The following SAMD12 variants were observed in gnomAD, a reference collection of about 807,000 sequenced individuals.
SAMD12 encodes sterile alpha motif domain containing 12.
In SAMD12, 9 loss-of-function variants were observed where a neutral mutation model predicts 15.0. That is an observed-to-expected ratio of 0.60 (90% CI 0.36 to 1.05). SAMD12 has a LOEUF of 1.05. Ranked by LOEUF, SAMD12 falls within the 50% of genes least tolerant of loss-of-function variation. The pLI is 0.01. For synonymous variants in SAMD12, 86 were observed against 90.1 expected, an observed-to-expected ratio of 0.96 and a Z score of 0.25; for missense variants, 230 against 234.2, an observed-to-expected ratio of 0.98 and a Z score of 0.12.
intron 3 of SAMD12, among the ~76,000 whole-genome samples, chr8:118,437,173 C>T (rs1459559015): frequency 6.6e-6 from 1 of 152,174 alleles, no homozygotes; most frequent in South Asian, 2.1e-4. Context: ...TAAATGCACA[C>T]TGGCTGAAGT....
chr8:118,362,287 G>A (rs984394444), intron 4 of SAMD12, among the ~76,000 whole-genome samples: 11 of 152,026 alleles, frequency 7.2e-5, no homozygotes, highest in East Asian at 1.9e-4. Flanking sequence ...AACTCTTTCC[G>A]TAACAAAACA....
chr8:118,387,956 T>G (rs532977548), intron 3 of SAMD12, among the ~76,000 whole-genome samples: 1 of 152,140 alleles, frequency 6.6e-6, no homozygotes, highest in Non-Finnish European at 1.5e-5. Flanking sequence ...ATGTGTACCA[T>G]GGACTGAACC....
rs1563861873 is a variant in SAMD12, at chr8:118,440,697, A to ACAC, written c.193-737_193-736insGTG. Reference sequence around the variant, plus strand: ...ACACACACACACACACACACACACAAACACACACACACACACACATATAAA... The same window carrying ACAC: ...ACACACACACACACACACACACACAACACACACACACACACACACACATATAAA... On this transcript the variant is annotated intron_variant, in intron 2 of 3. Coordinates refer to ENST00000314727, the MANE Select transcript of SAMD12 (RefSeq NM_207506.3). Among the ~76,000 whole-genome samples, 400 of 52,396 alleles carry ACAC rather than the reference A, an allele frequency of 7.6e-3. 3 individuals are homozygous for ACAC. The highest frequency in any genetic ancestry group is 0.024 in the African/African-American group (373 of 15,624). The allele number at this position is 52,396 out of a possible 152,430, so 34.4% of individuals were successfully genotyped here.
chr8:118,304,653 G>A (rs780957373), intron 4 of SAMD12, among the ~76,000 whole-genome samples: 2 of 151,906 alleles, frequency 1.3e-5, no homozygotes, highest in Non-Finnish European at 2.9e-5. Context: ...CCAGATACTC[G>A]GGAGGCTGAG....
intron 2 of SAMD12, among the ~76,000 whole-genome samples, chr8:118,480,225 T>G (rs1405348266): frequency 6.6e-6 from 1 of 152,190 alleles, no homozygotes; most frequent in Non-Finnish European, 1.5e-5. Flanking sequence ...AAGATAGCAG[T>G]GGGTGACCAC....
chr8:118,456,435 C>T (rs1038433324), intron 2 of SAMD12, among the ~76,000 whole-genome samples: 2 of 152,196 alleles, frequency 1.3e-5, no homozygotes, highest in African/African-American at 4.8e-5. Flanking sequence ...ACATTCTCTG[C>T]ACTTAGCACC....
At chr8:118,427,839 A>T (rs117086127) in intron 3 of SAMD12, among the ~76,000 whole-genome samples, 1 of 152,242 alleles carries the variant, frequency 6.6e-6, no homozygotes, top group Non-Finnish European at 1.5e-5. Context: ...GATTAACTTC[A>T]TAAGAAACTT....
intron 2 of SAMD12, among the ~76,000 whole-genome samples, chr8:118,579,893 T>A (rs1461985043): frequency 6.6e-6 from 1 of 152,136 alleles, no homozygotes; most frequent in African/African-American, 2.4e-5. Flanking sequence ...CTGCACTGAT[T>A]TCAGACAAAT....
chr8:118,249,176 G>T (rs936299252), intron 4 of SAMD12, among the ~76,000 whole-genome samples: 6 of 152,072 alleles, frequency 3.9e-5, no homozygotes, highest in African/African-American at 1.2e-4. Flanking sequence ...TGAAAGATAT[G>T]AAACTTACAT....
Position 118,428,784 on chromosome 8 carries a change from C to T in SAMD12, c.322+11048G>A, listed in dbSNP as rs529750162. Among the ~76,000 whole-genome samples, 20 of 152,104 alleles carry T rather than the reference C, an allele frequency of 1.3e-4. No homozygotes were observed. In the South Asian group the frequency reaches 3.3e-3, roughly 25 times the overall value. On this transcript the variant is annotated intron_variant, in intron 3 of 3. Coordinates refer to ENST00000314727, the MANE Select transcript of SAMD12 (RefSeq NM_207506.3). Reference sequence around the variant, plus strand: ...ATATTTATGGAATTTCTATTTTGTTCTACTATTATAATCTACAAGTTAGTC... The same window carrying T: ...ATATTTATGGAATTTCTATTTTGTTTTACTATTATAATCTACAAGTTAGTC...
chr8:118,550,806 T>C (rs1446740869), intron 2 of SAMD12, among the ~76,000 whole-genome samples: 3 of 151,478 alleles, frequency 2.0e-5, no homozygotes, highest in Non-Finnish European at 2.9e-5. Context: ...GAGACACACA[T>C]AGGCTTAAAA....
At chr8:118,385,872 A>G (rs1819926766) in intron 3 of SAMD12, among the ~76,000 whole-genome samples, 1 of 152,252 alleles carries the variant, frequency 6.6e-6, no homozygotes, top group South Asian at 2.1e-4. Context: ...GGTTAAAACA[A>G]GAAGAAGAAA....
the SAMD12 span, among the ~76,000 whole-genome samples, chr8:118,168,272 C>G: frequency 5.3e-5 from 8 of 152,110 alleles, no homozygotes; most frequent in Non-Finnish European, 1.2e-4. Context: ...AAGGAGGGAC[C>G]ATTGGAGTGT....
chr8:118,471,042 G>A (rs1476773204), intron 2 of SAMD12, among the ~76,000 whole-genome samples: 1 of 152,176 alleles, frequency 6.6e-6, no homozygotes, highest in Admixed American at 6.5e-5. Context: ...GTATTTAAAT[G>A]AAAGGCTTCA....
chr8:118,541,874 A>G (rs1444245852), intron 2 of SAMD12, among the ~76,000 whole-genome samples: 5 of 152,144 alleles, frequency 3.3e-5, no homozygotes, highest in Non-Finnish European at 7.3e-5. Flanking sequence ...ATTTTTTGAG[A>G]TGGAGTCTCG....
At chr8:118,573,552 CT>C (rs2131241305) in intron 2 of SAMD12, among the ~76,000 whole-genome samples, 1 of 152,324 alleles carries the variant, frequency 6.6e-6, no homozygotes, top group Non-Finnish European at 1.5e-5. Context: ...CTGCCACAGA[CT>C]GTAATCAGGA....
intron 2 of SAMD12, among the ~76,000 whole-genome samples, chr8:118,502,083 T>G (rs1268897394): frequency 1.3e-5 from 2 of 151,860 alleles, no homozygotes; most frequent in South Asian, 4.1e-4. Flanking sequence ...GGGGCCAAGC[T>G]TGTATATTTC....
rs76476064 is a variant in SAMD12 at position 118,519,931 on chromosome 8, A to G, written c.192+60784T>C. On this transcript the variant is annotated intron_variant, in intron 2 of 3. Coordinates refer to ENST00000314727, the MANE Select transcript of SAMD12 (RefSeq NM_207506.3). ...GAGTACCTTTAAGCTCAGAGCATTG[A>G]AAAAAAAGTAATAATTACGTTGGTG... Among the ~76,000 whole-genome samples, 103 of 152,236 alleles carry G rather than the reference A, an allele frequency of 6.8e-4. 2 individuals are homozygous for G. The East Asian group carries it at 0.018, about 26-fold the overall frequency.
At chr8:118,472,198 T>A (rs369102070) in intron 2 of SAMD12, among the ~76,000 whole-genome samples, 5 of 143,006 alleles carry the variant, frequency 3.5e-5, no homozygotes, top group African/African-American at 7.8e-5. Context: ...GAGGCAGGAG[T>A]ATGGCGTGAA....
Sources: gnomAD v4.1 joint callset for allele counts (sites outside exome capture counted in the v4.1 genomes callset) on GRCh38, gnomAD v4.1.1 for gene constraint, MANE v1.5 for transcripts, NCBI Gene and HGNC (gene_info 2026-07-23, HGNC 2026-07-21) for gene names.